Variants in SPECC1 observed in about 807,000 individuals in gnomAD.
SPECC1 encodes the protein cytospin-B.
SPECC1 carries 62 observed loss-of-function variants against 104.1 expected under a neutral mutation model. That is an observed-to-expected ratio of 0.60 (90% confidence interval 0.49 to 0.74). The LOEUF is 0.74. SPECC1 is among the 30% of genes least tolerant of loss of function. The pLI is 0.00. For synonymous variants in SPECC1, 513 were observed against 501.6 expected (o/e 1.02, Z -0.30); for missense variants, 1,306 against 1,310.5 (o/e 1.00, Z 0.05).
chr17:20,317,913 C>T lies in SPECC1; in HGVS notation c.*3848C>T, dbSNP rs2042060115. ...AGGACCTGGGGGAGGCAGTCCCCAACCCAGCTAGGCCAAGGGGTAGGGTTT... is the reference window on the plus strand; with the variant it reads ...AGGACCTGGGGGAGGCAGTCCCCAATCCAGCTAGGCCAAGGGGTAGGGTTT... On this transcript the variant is annotated 3_prime_UTR_variant, in exon 15 of 15. Transcript: ENST00000395527. 1 of 225,304 alleles carries T rather than the reference C, an allele frequency of 4.4e-6. No homozygotes were observed. Among genetic ancestry groups the T allele is most frequent in the Non-Finnish European group, 8.8e-6 (1 of 113,108 alleles). The allele number at this position is 225,304 out of a possible 1,614,324, so 14.0% of individuals were successfully genotyped here. A position where few individuals can be genotyped will look rare whatever the true frequency, so the allele number is the denominator to read the frequency against.
chr17:20,188,478 G>A (rs1749318326), intron 3 of SPECC1, among the ~76,000 whole-genome samples: 2 of 152,058 alleles, frequency 1.3e-5, no homozygotes, highest in Middle Eastern at 3.4e-3. Flanking sequence ...GGCTGATCTC[G>A]AATTCCTGAC....
chr17:20,158,079 T>C (rs532827590), intron 3 of SPECC1, among the ~76,000 whole-genome samples: 2 of 152,146 alleles, frequency 1.3e-5, no homozygotes, highest in African/African-American at 4.8e-5. Flanking sequence ...TCCTGGAAAT[T>C]AGAGCTTTGT....
At chr17:20,089,487 G>A (rs992226383) in intron 1 of SPECC1, among the ~76,000 whole-genome samples, 9 of 151,938 alleles carry the variant, frequency 5.9e-5, no homozygotes, top group Non-Finnish European at 1.2e-4. Flanking sequence ...AATTAGCCAG[G>A]CGTGGTGACA....
intron 1 of SPECC1, among the ~76,000 whole-genome samples, chr17:20,095,369 G>T (rs577318899): frequency 6.6e-6 from 1 of 152,178 alleles, no homozygotes; most frequent in South Asian, 2.1e-4. Flanking sequence ...AACAAATTAC[G>T]CCGCCTTTAA....
chr17:20,155,176 A>G (rs763034920), intron 3 of SPECC1, among the ~76,000 whole-genome samples: 2 of 152,140 alleles, frequency 1.3e-5, no homozygotes, highest in African/African-American at 4.8e-5. Context: ...GGAACCAACA[A>G]AGGGGACTGG....
chr17:20,081,444 G>T (rs1303981302), intron 1 of SPECC1, among the ~76,000 whole-genome samples: 1 of 152,110 alleles, frequency 6.6e-6, no homozygotes, highest in Non-Finnish European at 1.5e-5. Flanking sequence ...GGAGAGGAGG[G>T]CCTGGGGAGC....
intron 13 of SPECC1, among the ~76,000 whole-genome samples, chr17:20,299,058 G>C (rs746140924): frequency 6.6e-6 from 1 of 151,582 alleles, no homozygotes; most frequent in Non-Finnish European, 1.5e-5. Context: ...AAGCTAGCAA[G>C]TCCAGCATCT....
At chr17:20,096,525 T>C (rs2152505105) in intron 1 of SPECC1, 106 bp from the exon 2 acceptor site, 2 of 1,289,458 alleles carry the variant, frequency 1.6e-6, no homozygotes, top group South Asian at 1.4e-5. Context: ...GTGCTCCTAC[T>C]CTGTGATAGT....
intron 7 of SPECC1, 64 bp from the exon 8 acceptor site, chr17:20,245,862 G>C: frequency 6.3e-7 from 1 of 1,581,240 alleles, no homozygotes. Context: ...GTTTTCCTCT[G>C]TGTCTTTTTC....
chr17:20,196,929 A>C (rs1036395120), intron 3 of SPECC1, among the ~76,000 whole-genome samples: 4 of 152,256 alleles, frequency 2.6e-5, no homozygotes, highest in Admixed American at 2.6e-4. Flanking sequence ...CTAAGATTAC[A>C]TGAACTAAAA....
Position 20,231,696 on chromosome 17 carries a change from G to A in SPECC1, c.2072-62G>A, listed in dbSNP as rs375245680. 14 of 1,486,106 alleles carry A rather than the reference G, an allele frequency of 9.4e-6. No homozygotes were observed. The East Asian group carries it at 2.0e-4, about 22-fold the overall frequency. The allele number at this position is 1,486,106 out of a possible 1,614,324, so 92.1% of individuals were successfully genotyped here. On this transcript the variant is annotated intron_variant, in intron 5 of 14. Coordinates refer to ENST00000395527, the MANE Select transcript of SPECC1 (RefSeq NM_001243439.2). The stretch of plus-strand genomic sequence containing the variant: ...GAGCTGCCCCTTTCTTTGCTACCTA[G>A]CGTGTCTTCTCTTAAGAGTCTCACA...
chr17:20,163,768 C>G (rs1306364900), intron 3 of SPECC1, among the ~76,000 whole-genome samples: 1 of 152,074 alleles, frequency 6.6e-6, no homozygotes, highest in Non-Finnish European at 1.5e-5. Context: ...GCTATATTGC[C>G]CTGGCTGGTC....
At chr17:20,202,196 A>G (rs773077950) in intron 3 of SPECC1, among the ~76,000 whole-genome samples, 1 of 152,232 alleles carries the variant, frequency 6.6e-6, no homozygotes, top group Admixed American at 6.5e-5. Flanking sequence ...TAACAATTCT[A>G]TAGCCACTTC....
At chr17:20,171,883 T>C (rs778790297) in intron 3 of SPECC1, among the ~76,000 whole-genome samples, 7 of 152,218 alleles carry the variant, frequency 4.6e-5, no homozygotes, top group Non-Finnish European at 1.0e-4. Context: ...ATTCTGGTCA[T>C]TCCTCTCTTA....
intron 1 of SPECC1, among the ~76,000 whole-genome samples, chr17:20,053,971 A>C (rs1169798875): frequency 6.6e-6 from 1 of 152,152 alleles, no homozygotes; most frequent in African/African-American, 2.4e-5. Flanking sequence ...GAAAGCAAGG[A>C]AACAACTCCT....
chr17:20,273,791 C>A (rs9915059), intron 12 of SPECC1, among the ~76,000 whole-genome samples: 107,625 of 152,150 alleles, frequency 0.71, 39,853 homozygotes, highest in East Asian at 0.99. Flanking sequence ...TAGTTTGCTT[C>A]GGTCTGTTAT....
In SPECC1 at chr17:20,067,043, G is replaced by T. The variant is rs541079158; in HGVS notation, c.-21-29588G>T. On this transcript the variant is annotated intron_variant, in intron 1 of 14. Coordinates refer to ENST00000395527, the MANE Select transcript of SPECC1 (RefSeq NM_001243439.2). ...TGAGATTCTAGGTGTGAGCCACTAT[G>T]CCCAGCCTTAAATAGATTTTAAAAA... Among the ~76,000 whole-genome samples, 3 of 150,864 alleles carry T rather than the reference G, an allele frequency of 2.0e-5. No homozygotes were observed. In the South Asian group the frequency reaches 6.3e-4, roughly 32 times the overall value.
intron 3 of SPECC1, among the ~76,000 whole-genome samples, chr17:20,201,814 A>C (rs1280107801): frequency 6.6e-6 from 1 of 152,218 alleles, no homozygotes; most frequent in East Asian, 1.9e-4. Flanking sequence ...CCCATGAACA[A>C]CACTAGCTTG....
At chr17:20,147,138 C>G (rs564966936) in intron 3 of SPECC1, among the ~76,000 whole-genome samples, 1 of 143,132 alleles carries the variant, frequency 7.0e-6, no homozygotes, top group Non-Finnish European at 1.5e-5. Context: ...GGCTGGAGTG[C>G]TTGGCTCACC....
Sources: gnomAD v4.1 joint callset for allele counts (sites outside exome capture counted in the v4.1 genomes callset) on GRCh38, gnomAD v4.1.1 for gene constraint, MANE v1.5 for transcripts, NCBI Gene and HGNC (gene_info 2026-07-23, HGNC 2026-07-21) for gene names.